TRIP12: variants seen among roughly 807,000 people sequenced by gnomAD.
TRIP12 encodes the protein thyroid hormone receptor interactor 12, also known as E3 ubiquitin-protein ligase TRIP12.
In TRIP12, 25 loss-of-function variants were observed where a neutral mutation model predicts 244.2. The observed-to-expected ratio is 0.10, with a 90% CI of 0.07 to 0.14. The LOEUF is 0.14. Ranked by LOEUF, TRIP12 falls within the 10% of genes least tolerant of loss-of-function variation. TRIP12 has a pLI of 1.00. For synonymous variants in TRIP12, 905 were observed against 873.1 expected, an observed-to-expected ratio of 1.04 and a Z score of -0.64; for missense variants, 1,677 against 2,486.4, an observed-to-expected ratio of 0.67 and a Z score of 6.92.
At chr2:229,825,543 G>A (rs1033813999) in intron 8 of TRIP12, among the ~76,000 whole-genome samples, 4 of 152,210 alleles carry the variant, frequency 2.6e-5, no homozygotes, top group Admixed American at 2.6e-4. Flanking sequence ...ACCATCAGTG[G>A]AAGGCACTTC....
At chr2:229,786,336 T>G (rs1403905663) in intron 33 of TRIP12, among the ~76,000 whole-genome samples, 3 of 151,950 alleles carry the variant, frequency 2.0e-5, no homozygotes, top group Non-Finnish European at 4.4e-5. Context: ...TCCTGCTAGA[T>G]TTCTAATTTA....
At chr2:229,920,585 G>C (rs1284681052) in intron 1 of TRIP12, among the ~76,000 whole-genome samples, 4 of 151,880 alleles carry the variant, frequency 2.6e-5, no homozygotes, top group East Asian at 1.9e-4. Flanking sequence ...CTCCCCCAAA[G>C]TAAAACAGCA....
chr2:229,795,861 T>G (rs752159714), intron 25 of TRIP12, among the ~76,000 whole-genome samples: 56 of 152,212 alleles, frequency 3.7e-4, no homozygotes, highest in Non-Finnish European at 6.3e-4. Flanking sequence ...AATACTAACT[T>G]TGCTTTAGGT....
At chr2:229,820,207 A>C (rs182739280) in intron 8 of TRIP12, among the ~76,000 whole-genome samples, 3 of 152,156 alleles carry the variant, frequency 2.0e-5, no homozygotes, top group Non-Finnish European at 4.4e-5. Flanking sequence ...CAACCCCCTA[A>C]AAGAAAGAAC....
At chr2:229,837,683 A>G (rs1172514383) in intron 5 of TRIP12, among the ~76,000 whole-genome samples, 1 of 152,202 alleles carries the variant, frequency 6.6e-6, no homozygotes, top group Non-Finnish European at 1.5e-5. Context: ...AGGGAGGAGG[A>G]GGAGATGGAA....
intron 26 of TRIP12, 25 bp from the exon 27 acceptor site, chr2:229,793,170 G>C: frequency 6.3e-7 from 1 of 1,597,174 alleles, no homozygotes; most frequent in South Asian, 1.1e-5. Flanking sequence ...TGAAAAAAAA[G>C]TTAGTCTATT....
At chr2:229,787,945 G>A (rs922205381) in intron 32 of TRIP12, among the ~76,000 whole-genome samples, 1 of 152,068 alleles carries the variant, frequency 6.6e-6, no homozygotes, top group Admixed American at 6.6e-5. Flanking sequence ...TGGGATTACA[G>A]GCTCCTGACA....
Position 229,880,064 on chromosome 2 carries a change from T to C in TRIP12, c.16A>G (p.Asn6Asp). 1 of 1,614,124 alleles carries C rather than the reference T, an allele frequency of 6.2e-7. No individual in the cohort carries two copies. Among genetic ancestry groups the C allele is most frequent in the Non-Finnish European group, 8.5e-7 (1 of 1,180,016 alleles). Residue 6 changes from asparagine to aspartate, a missense_variant, in exon 2 of 42, where the codon AAT (asparagine) becomes GAT (aspartate). By Grantham distance (23) the Asn-to-Asp change is conservative. Coordinates refer to ENST00000675903, the MANE Select transcript of TRIP12 (RefSeq NM_001348323.3). The stretch of plus-strand genomic sequence containing the variant: ...CGCAGTGACCCCCCTGGATTGTTAT[T>C]AGGCCGGTTGGACATTGGCACCTCT... Reference protein sequence around the residue: MSNRPNNNPGGSLRRS... With the variant: MSNRPDNNPGGSLRRS...
Position 229,793,098 on chromosome 2 carries a change from T to C in TRIP12, c.4016A>G (p.His1339Arg), listed in dbSNP as rs2041946484. ...GSQALKFFNT[H>R]QLKCQLQRHP... ...CCTTTGTAACTGGCATTTTAATTGA[T>C]GTGTGTTGAAAAATTTTAAAGCCTG... The change falls in exon 27 of 42, where the codon CAT (histidine) becomes CGT (arginine). Residue 1339 changes from histidine (H) to arginine (R), a missense_variant. His to Arg is a conservative substitution (Grantham distance 29, BLOSUM62 0). Coordinates refer to ENST00000675903, the MANE Select transcript of TRIP12 (RefSeq NM_001348323.3). 1 of 1,613,694 alleles carries C rather than the reference T, an allele frequency of 6.2e-7. No homozygotes were observed. Among genetic ancestry groups the C allele is most frequent in the Non-Finnish European group, 8.5e-7 (1 of 1,179,838 alleles).
intron 2 of TRIP12, among the ~76,000 whole-genome samples, chr2:229,879,773 G>A (rs530564011): frequency 6.6e-6 from 1 of 152,280 alleles, no homozygotes; most frequent in South Asian, 2.1e-4. Context: ...CATGTCAGTG[G>A]CTATGAACTA....
At chr2:229,849,262 T>C (rs1388598457) in intron 4 of TRIP12, among the ~76,000 whole-genome samples, 1 of 152,202 alleles carries the variant, frequency 6.6e-6, no homozygotes, top group Non-Finnish European at 1.5e-5. Context: ...AAAGGAAATG[T>C]TCCTTTACGT....
intron 8 of TRIP12, 134 bp downstream of exon 8, chr2:229,829,059 T>G: frequency 1.5e-6 from 1 of 665,558 alleles, no homozygotes; most frequent in South Asian, 2.3e-5. Context: ...AAGGTGTGAT[T>G]GTACACAGCC....
intron 1 of TRIP12, among the ~76,000 whole-genome samples, chr2:229,902,906 G>C (rs1286661435): frequency 1.3e-5 from 2 of 152,000 alleles, no homozygotes; most frequent in Non-Finnish European, 2.9e-5. Flanking sequence ...ACACACAGTA[G>C]GTCATTCATA....
chr2:229,829,376 G>T (rs914830677), intron 7 of TRIP12, 88 bp from the exon 8 acceptor site: 116 of 1,006,248 alleles, frequency 1.2e-4, no homozygotes, highest in Non-Finnish European at 3.6e-5. Context: ...GATTCATCTC[G>T]CTTAACTGAT....
intron 41 of TRIP12, among the ~76,000 whole-genome samples, chr2:229,768,006 G>A (rs995637488): frequency 2.6e-5 from 4 of 152,130 alleles, no homozygotes; most frequent in African/African-American, 4.8e-5. Flanking sequence ...GTTCACGCCC[G>A]TAATCCCAGC....
intron 2 of TRIP12, among the ~76,000 whole-genome samples, chr2:229,874,224 G>A (rs2063198819): frequency 6.6e-6 from 1 of 151,964 alleles, no homozygotes; most frequent in Admixed American, 6.6e-5. Flanking sequence ...AGTAAACGAA[G>A]AAATGCTAAC....
intron 30 of TRIP12, 142 bp from the exon 31 acceptor site, chr2:229,789,904 T>G: frequency 1.2e-6 from 1 of 867,612 alleles, no homozygotes; most frequent in Non-Finnish European, 1.7e-6. Flanking sequence ...TATTGATAAG[T>G]TTGACAATCT....
At chr2:229,779,378 C>T (rs1252108758) in intron 34 of TRIP12, among the ~76,000 whole-genome samples, 1 of 152,142 alleles carries the variant, frequency 6.6e-6, no homozygotes, top group Non-Finnish European at 1.5e-5. Flanking sequence ...GGGGAAGGCT[C>T]CCCCCAGCAT....
chr2:229,800,413 ATGT>A (rs568058559), intron 21 of TRIP12, among the ~76,000 whole-genome samples: 185 of 152,308 alleles, frequency 1.2e-3, no homozygotes, highest in Middle Eastern at 3.4e-3. Flanking sequence ...AGGCTGAAAA[ATGT>A]TGTGGTTTAG....
Sources: allele counts gnomAD v4.1 joint callset (sites outside exome capture counted in the v4.1 genomes callset), GRCh38; gene constraint gnomAD v4.1.1; transcripts MANE v1.5; gene names NCBI Gene and HGNC (gene_info 2026-07-23, HGNC 2026-07-21).